NID1: variants seen among roughly 807,000 people sequenced by gnomAD.
The protein encoded by NID1 is nidogen-1.
Under a neutral mutation model 130.6 loss-of-function variants are expected in NID1, and 76 were observed. The observed-to-expected ratio is 0.58, with a 90% CI of 0.48 to 0.70. The LOEUF (loss-of-function observed/expected upper bound fraction) is 0.70. Among genes scored for constraint, NID1 ranks in the 30% least tolerant of loss-of-function variants. The pLI, the probability that NID1 is intolerant of heterozygous loss-of-function variation, is 0.00. For synonymous variants in NID1, 665 were observed against 675.1 expected, an observed-to-expected ratio of 0.98 and a Z score of 0.23; for missense variants, 1,517 against 1,664.8, an observed-to-expected ratio of 0.91 and a Z score of 1.54.
intron 10 of NID1, among the ~76,000 whole-genome samples, chr1:236,016,536 G>A (rs570198801): frequency 6.6e-6 from 1 of 152,256 alleles, no homozygotes; most frequent in African/African-American, 2.4e-5. Flanking sequence ...GGAAAAAGAG[G>A]AAGAATTTAA....
chr1:236,061,668 G>A (rs1306839819), intron 1 of NID1, among the ~76,000 whole-genome samples: 7 of 151,952 alleles, frequency 4.6e-5, no homozygotes, highest in Admixed American at 2.0e-4. Flanking sequence ...GTTCCACCAT[G>A]TTGGCCAGGC....
chr1:236,029,747 C>G lies in NID1; in HGVS notation c.1541G>C (p.Gly514Ala). ...GFKNGFSITG[G>A]EFTRQAEVTF... ...CACCTCAGCCTGGCGAGTGAACTCA[C>G]CCCCTGAAAAACAAGATGAGACTGT... is the stretch of plus-strand genomic sequence containing the variant. Residue 514 changes from glycine to alanine, a missense_variant, in exon 7 of 20, where the codon GGT becomes GCT. By Grantham distance (60) the Gly-to-Ala change is moderately conservative. Transcript: ENST00000264187. The G allele has an allele frequency of 6.2e-7, 1 of 1,614,062 alleles. No individual in the cohort carries two copies. The highest frequency in any genetic ancestry group is 1.3e-5 in the African/African-American group (1 of 75,054).
At chr1:236,012,578 A>AAAAAAAAAAAAAAAAAG (rs1553343926) in intron 11 of NID1, among the ~76,000 whole-genome samples, 5 of 99,548 alleles carry the variant, frequency 5.0e-5, no homozygotes, top group African/African-American at 2.2e-4. Flanking sequence ...AAAAAAAAAA[A>AAAAAAAAAAAAAAAAAG]AAAGAAAGAA....
intron 9 of NID1, among the ~76,000 whole-genome samples, chr1:236,021,425 C>T (rs1419843599): frequency 1.1e-4 from 16 of 152,168 alleles, no homozygotes; most frequent in Non-Finnish European, 2.2e-4. Context: ...AGTTCCTGCC[C>T]TCCAGTATTT....
Position 235,986,654 on chromosome 1 carries a change from G to A in NID1, c.2929-1149C>T, listed in dbSNP as rs192316565. Among the ~76,000 whole-genome samples the A allele has an allele frequency of 3.1e-3, 465 of 152,264 alleles. 1 individual carries two copies. The highest frequency in any genetic ancestry group is 5.0e-3 in the Non-Finnish European group (341 of 68,026). Reference sequence around the variant, plus strand: ...TTTTCTATTTTTTTGTAGAGACAGCGTCTCACTATGTTGCCCAGGCTGGTC... The same window carrying A: ...TTTTCTATTTTTTTGTAGAGACAGCATCTCACTATGTTGCCCAGGCTGGTC... On this transcript the variant is annotated intron_variant, in intron 14 of 19. Coordinates refer to ENST00000264187, the MANE Select transcript of NID1 (RefSeq NM_002508.3).
At chr1:236,039,404 C>CCCCCA (rs1659380915) in intron 4 of NID1, among the ~76,000 whole-genome samples, 1 of 151,248 alleles carries the variant, frequency 6.6e-6, no homozygotes, top group African/African-American at 2.4e-5. Flanking sequence ...TTTAAATCAC[C>CCCCCA]TCCCACCCCA....
chr1:236,037,185 G>A (rs1558442382), intron 5 of NID1, among the ~76,000 whole-genome samples: 1 of 152,280 alleles, frequency 6.6e-6, no homozygotes, highest in East Asian at 1.9e-4. Flanking sequence ...GAATCCATTT[G>A]GAATTGGCAC....
intron 4 of NID1, among the ~76,000 whole-genome samples, chr1:236,041,377 T>A (rs1031905281): frequency 6.6e-6 from 1 of 152,182 alleles, no homozygotes; most frequent in Admixed American, 6.5e-5. Context: ...TATTTTTTTT[T>A]AAAGAGTATC....
At chr1:236,013,697 C>G in intron 10 of NID1, 137 bp from the exon 11 acceptor site, 2 of 917,736 alleles carry the variant, frequency 2.2e-6, no homozygotes, top group Non-Finnish European at 3.3e-6. Context: ...ACCTGCACCC[C>G]ACTCCTCACT....
In NID1 at chr1:236,045,508, C is replaced by T. The variant is rs746889435; in HGVS notation, c.701G>A (p.Gly234Glu). 2 of 1,614,150 alleles carry T rather than the reference C, an allele frequency of 1.2e-6. No individual in the cohort carries two copies. The highest frequency in any genetic ancestry group is 1.7e-5 in the Admixed American group (1 of 60,018). The change falls in exon 3 of 20, where the codon GGA becomes GAA. Residue 234 changes from glycine to glutamate, a missense_variant. Transcript: ENST00000264187. ...GSVGFLWKSN[G>E]AYNIFANDRE... ...GTCATTAGCAAATATGTTATAAGCT[C>T]CGTTGCTCTTCCATAAGAATCCCAC...
Position 236,017,254 on chromosome 1 carries a change from T to C in NID1, c.2148A>G (p.Glu716=). 6.2e-7 allele frequency: 1 copy of C among 1,614,156 alleles called. No homozygotes were observed. The highest frequency in any genetic ancestry group is 8.5e-7 in the Non-Finnish European group (1 of 1,180,016). Residue 716 remains glutamate, a synonymous_variant, in exon 10 of 20, where the codon GAA becomes GAG. Transcript: ENST00000264187. ...TGTGGCTCCCACACACTGAGGGTTGTTCTGAACATTCATCAATATCTGCAG... is the reference window on the plus strand; with the variant it reads ...TGTGGCTCCCACACACTGAGGGTTGCTCTGAACATTCATCAATATCTGCAG... ...RTCYDIDECS[E]QPSVCGSHTI...
intron 12 of NID1, among the ~76,000 whole-genome samples, chr1:236,011,068 C>T (rs1658395212): frequency 6.6e-6 from 1 of 152,024 alleles, no homozygotes; most frequent in Non-Finnish European, 1.5e-5. Flanking sequence ...CCTCAATGAG[C>T]TCACAGGTCC....
chr1:235,978,128 G>A (rs1657323873), intron 19 of NID1, 140 bp from the exon 20 acceptor site: 1 of 959,678 alleles, frequency 1.0e-6, no homozygotes, highest in East Asian at 2.6e-5. Flanking sequence ...GGAGAATGGG[G>A]ACACTGTGCT....
chr1:236,063,521 A>G (rs1311947855), intron 1 of NID1, among the ~76,000 whole-genome samples: 1 of 152,134 alleles, frequency 6.6e-6, no homozygotes, highest in Admixed American at 6.6e-5. Flanking sequence ...GCATATAAGC[A>G]TATATAGTAC....
intron 8 of NID1, among the ~76,000 whole-genome samples, chr1:236,024,500 G>C (rs1383572086): frequency 6.6e-6 from 1 of 152,250 alleles, no homozygotes; most frequent in East Asian, 1.9e-4. Flanking sequence ...TCGTGATAGA[G>C]ACTGTATAGC....
intron 13 of NID1, among the ~76,000 whole-genome samples, chr1:235,991,523 G>T (rs1657738744): frequency 6.6e-6 from 1 of 152,112 alleles, no homozygotes; most frequent in Non-Finnish European, 1.5e-5. Context: ...AGCAGAGATG[G>T]GGTTTCACCA....
At chr1:236,028,729 G>T (rs1381943504) in intron 7 of NID1, among the ~76,000 whole-genome samples, 3 of 152,030 alleles carry the variant, frequency 2.0e-5, no homozygotes, top group Admixed American at 2.0e-4. Context: ...GAGACAGAGA[G>T]AGAATGGTAA....
intron 9 of NID1, among the ~76,000 whole-genome samples, chr1:236,020,693 A>G (rs1214178181): frequency 6.6e-6 from 1 of 152,208 alleles, no homozygotes; most frequent in Non-Finnish European, 1.5e-5. Flanking sequence ...AAGTCCAAAT[A>G]ACACATGAAG....
intron 15 of NID1, 74 bp downstream of exon 15, chr1:235,985,305 C>T (rs1657544437): frequency 2.6e-6 from 4 of 1,535,622 alleles, no homozygotes; most frequent in Admixed American, 3.4e-5. Context: ...ATTTGCTGTT[C>T]TTCTCTGGCA....
Sources: gnomAD v4.1 joint callset for allele counts (sites outside exome capture counted in the v4.1 genomes callset) on GRCh38, gnomAD v4.1.1 for gene constraint, MANE v1.5 for transcripts, NCBI Gene and HGNC (gene_info 2026-07-23, HGNC 2026-07-21) for gene names.